PDE7B: variants seen among roughly 807,000 people sequenced by gnomAD.
The protein encoded by PDE7B is 3',5'-cyclic-AMP phosphodiesterase 7B.
Under a neutral mutation model 56.2 loss-of-function variants are expected in PDE7B, and 29 were observed. The observed-to-expected ratio is 0.52, with a 90% CI of 0.38 to 0.70. The LOEUF (loss-of-function observed/expected upper bound fraction) is 0.70, where lower values mean the gene tolerates loss of function less well. Ranked by LOEUF, PDE7B falls within the 30% of genes least tolerant of loss-of-function variation. The pLI is 0.00. For missense variants in PDE7B, 490 were observed against 565.0 expected (o/e 0.87, Z 1.35); for synonymous variants, 197 against 196.9 (o/e 1.00, Z 0.00).
At position 135,851,874 on chromosome 6, in the gene PDE7B, T is replaced by G. The variant is rs1434236343; in HGVS notation, c.-125T>G. On this transcript the variant is annotated 5_prime_UTR_variant, in exon 1 of 13. Transcript: ENST00000308191. ...CTTTTTTTTCTTTTTTTTTTTTTGT[T>G]ACTTAATTATATTCCTAATCCTGGA... 1.1e-5 allele frequency: 7 copies of G among 614,388 alleles called. No individual in the cohort carries two copies. The highest frequency in any genetic ancestry group is 1.8e-5 in the Non-Finnish European group (6 of 340,252). 38.1% of individuals were successfully genotyped at this position (614,388 alleles called of 1,614,324 possible). A position where few individuals can be genotyped will look rare whatever the true frequency, so the allele number is the denominator to read the frequency against.
chr6:135,872,997 T>C (rs146777617), intron 1 of PDE7B, among the ~76,000 whole-genome samples: 12 of 152,274 alleles, frequency 7.9e-5, no homozygotes, highest in African/African-American at 2.9e-4. Flanking sequence ...AACTTAGGGA[T>C]GATTTTTCTC....
intron 1 of PDE7B, among the ~76,000 whole-genome samples, chr6:135,876,088 G>A (rs1192930177): frequency 6.6e-6 from 1 of 152,156 alleles, no homozygotes; most frequent in Non-Finnish European, 1.5e-5. Flanking sequence ...CCCGATAAAA[G>A]GGGAGGGAGA....
chr6:135,906,816 T>TG (rs1012218420), intron 1 of PDE7B, among the ~76,000 whole-genome samples: 15 of 144,608 alleles, frequency 1.0e-4, no homozygotes, highest in Admixed American at 2.8e-4. Flanking sequence ...GTTTGTTTTT[T>TG]TTTTTTTTTT....
intron 2 of PDE7B, among the ~76,000 whole-genome samples, chr6:135,956,140 G>T (rs1211659219): frequency 2.0e-5 from 3 of 152,146 alleles, no homozygotes; most frequent in Non-Finnish European, 4.4e-5. Context: ...CTAGGTAGGA[G>T]ACTAAAATAG....
rs147338373 is a variant in PDE7B at position 135,962,697 on chromosome 6, G to T, written c.82+15173G>T. On this transcript the variant is annotated intron_variant, in intron 2 of 12. Transcript: ENST00000308191. ...GTGGAATATGCATAAATAGAGAGGT[G>T]GTTGTGACTTCAACTGTGCCTTAAG... 7.9e-5 allele frequency among the ~76,000 whole-genome samples: 12 copies of T among 152,260 alleles called. 1 individual carries two copies. Among genetic ancestry groups the T allele is most frequent in the Admixed American group, 4.6e-4 (7 of 15,294 alleles).
intron 1 of PDE7B, among the ~76,000 whole-genome samples, chr6:135,907,251 A>C (rs1275829822): frequency 2.0e-5 from 3 of 152,158 alleles, no homozygotes; most frequent in African/African-American, 7.2e-5. Context: ...AGATTTTGAC[A>C]TTCCTTCCAC....
intron 2 of PDE7B, among the ~76,000 whole-genome samples, chr6:136,085,515 T>C (rs1327330342): frequency 2.6e-5 from 4 of 152,184 alleles, no homozygotes; most frequent in African/African-American, 9.7e-5. Context: ...GCTATTCTAA[T>C]GTGCCGGAGG....
chr6:136,095,874 C>T (rs1233678616), intron 2 of PDE7B: 1 of 152,206 alleles, frequency 6.6e-6, no homozygotes, highest in East Asian at 1.9e-4. Flanking sequence ...TAAACTATTA[C>T]CTAGCACACA....
At chr6:135,916,630 A>T (rs1399253419) in intron 1 of PDE7B, among the ~76,000 whole-genome samples, 1 of 151,646 alleles carries the variant, frequency 6.6e-6, no homozygotes, top group Non-Finnish European at 1.5e-5. Flanking sequence ...TGATCCCATG[A>T]TCCACCTGCC....
Position 136,064,998 on chromosome 6 carries a change from G to A in PDE7B, c.83-43733G>A, listed in dbSNP as rs1056134981. On this transcript the variant is annotated intron_variant, in intron 2 of 12. Transcript: ENST00000308191. ...AGAGTCCAACAATTTGTAGGTTTAC[G>A]AGGGTGGCATTTGTCTATGTGTGCA... Among the ~76,000 whole-genome samples, 5 of 152,180 alleles carry A rather than the reference G, an allele frequency of 3.3e-5. No individual in the cohort carries two copies. In the East Asian group the frequency reaches 7.7e-4, roughly 23 times the overall value.
chr6:136,023,961 T>A (rs1053704933), intron 2 of PDE7B, among the ~76,000 whole-genome samples: 1 of 152,078 alleles, frequency 6.6e-6, no homozygotes, highest in Non-Finnish European at 1.5e-5. Flanking sequence ...AGGAGCAGGC[T>A]TTTTGCAATG....
At chr6:135,944,892 A>G (rs1386666501) in intron 1 of PDE7B, among the ~76,000 whole-genome samples, 2 of 152,024 alleles carry the variant, frequency 1.3e-5, no homozygotes, top group Admixed American at 1.3e-4. Flanking sequence ...CCTTCACAAC[A>G]CATGTCTGGA....
intron 3 of PDE7B, among the ~76,000 whole-genome samples, chr6:136,133,680 A>G (rs1303478331): frequency 2.6e-5 from 4 of 152,272 alleles, no homozygotes; most frequent in South Asian, 4.1e-4. Flanking sequence ...AATAGGTAAG[A>G]CATGGTCCTA....
At chr6:135,878,671 C>G (rs893457771) in intron 1 of PDE7B, among the ~76,000 whole-genome samples, 17 of 152,216 alleles carry the variant, frequency 1.1e-4, no homozygotes, top group African/African-American at 3.6e-4. Flanking sequence ...TTTGTGAAAT[C>G]TGCCTAAATT....
At chr6:136,173,326 C>T (rs1476100190) in intron 8 of PDE7B, among the ~76,000 whole-genome samples, 1 of 152,188 alleles carries the variant, frequency 6.6e-6, no homozygotes, top group Non-Finnish European at 1.5e-5. Flanking sequence ...TGGAACAGAA[C>T]AGAGCCCTCA....
intron 2 of PDE7B, among the ~76,000 whole-genome samples, chr6:136,068,070 T>G (rs2128213548): frequency 6.6e-6 from 1 of 152,206 alleles, no homozygotes; most frequent in South Asian, 2.1e-4. Context: ...CGAAAAAGAG[T>G]TAAGACTCTG....
intron 7 of PDE7B, among the ~76,000 whole-genome samples, chr6:136,154,732 G>T (rs774634923): frequency 2.2e-4 from 33 of 152,204 alleles, no homozygotes; most frequent in Non-Finnish European, 4.7e-4. Context: ...TAAAAACATT[G>T]TAATAATGCT....
At chr6:136,166,784 TC>T (rs1438392626) in intron 8 of PDE7B, among the ~76,000 whole-genome samples, 2 of 152,130 alleles carry the variant, frequency 1.3e-5, no homozygotes, top group Non-Finnish European at 2.9e-5. Context: ...AACCTGTTTC[TC>T]CCCTTACCCC....
chr6:136,129,948 T>G (rs780017939), intron 3 of PDE7B, among the ~76,000 whole-genome samples: 8 of 152,192 alleles, frequency 5.3e-5, no homozygotes, highest in Non-Finnish European at 1.2e-4. Flanking sequence ...TTTCATCCCC[T>G]GCCAGTTGCA....
Sources: gnomAD v4.1 joint callset for allele counts (sites outside exome capture counted in the v4.1 genomes callset) on GRCh38, gnomAD v4.1.1 for gene constraint, MANE v1.5 for transcripts, NCBI Gene and HGNC (gene_info 2026-07-23, HGNC 2026-07-21) for gene names.